Variants in FREM3 observed in about 807,000 individuals in gnomAD.
The protein encoded by FREM3 is FRAS1-related extracellular matrix protein 3.
Under a neutral mutation model 129.1 loss-of-function variants are expected in FREM3, and 105 were observed. That is an observed-to-expected ratio of 0.81 (90% confidence interval 0.69 to 0.96). The LOEUF (loss-of-function observed/expected upper bound fraction) is 0.96, where lower values mean the gene tolerates loss of function less well. Ranked by LOEUF, FREM3 falls within the 40% of genes least tolerant of loss-of-function variation. The pLI, the probability that FREM3 is intolerant of heterozygous loss-of-function variation, is 0.00. For missense variants in FREM3, 2,593 were observed against 2,666.3 expected, an observed-to-expected ratio of 0.97 and a Z score of 0.61; for synonymous variants, 1,014 against 1,044.9, an observed-to-expected ratio of 0.97 and a Z score of 0.57.
rs1043589548 is a variant in FREM3 at position 143,700,318 on chromosome 4, C to G, written c.358G>C (p.Gly120Arg). 11 of 1,534,944 alleles carry G rather than the reference C, an allele frequency of 7.2e-6. No homozygotes were observed. The highest frequency in any genetic ancestry group is 7.0e-6 in the Non-Finnish European group (8 of 1,145,890). ...TGAGTGTACTGGACTTGGCGGGGCCCGAAGGTGCAGGGGAAGCGGCGCGGG... is the reference window on the plus strand; with the variant it reads ...TGAGTGTACTGGACTTGGCGGGGCCGGAAGGTGCAGGGGAAGCGGCGCGGG... ...LSPRRFPCTF[G>R]PRQVQYTHFG... The change falls in exon 1 of 8, where the codon GGG becomes CGG. Residue 120 changes from glycine to arginine, a missense_variant. By Grantham distance (125) the Gly-to-Arg change is moderately radical. Transcript: ENST00000329798.
intron 6 of FREM3, among the ~76,000 whole-genome samples, chr4:143,592,573 C>G (rs1006182854): frequency 1.3e-5 from 2 of 152,234 alleles, no homozygotes; most frequent in African/African-American, 4.8e-5. Context: ...TTGGCCCCCT[C>G]TCTCTTCTGG....
chr4:143,613,040 A>G (rs186773014), intron 5 of FREM3, among the ~76,000 whole-genome samples: 2 of 152,326 alleles, frequency 1.3e-5, no homozygotes, highest in East Asian at 1.9e-4. Flanking sequence ...TGTTGCTTGT[A>G]TAGATCTAAG....
chr4:143,645,335 A>G (rs1739396243), intron 2 of FREM3, among the ~76,000 whole-genome samples: 1 of 152,212 alleles, frequency 6.6e-6, no homozygotes, highest in Admixed American at 6.5e-5. Context: ...AATGGTGACA[A>G]CTTTTTGATG....
intron 2 of FREM3, among the ~76,000 whole-genome samples, chr4:143,660,355 T>G (rs1328241624): frequency 2.6e-5 from 4 of 152,066 alleles, no homozygotes; most frequent in Admixed American, 1.3e-4. Context: ...TTTCCCCATT[T>G]CTTGTTTTTG....
intron 2 of FREM3, among the ~76,000 whole-genome samples, chr4:143,653,245 A>G (rs1739543866): frequency 6.6e-6 from 1 of 152,216 alleles, no homozygotes; most frequent in African/African-American, 2.4e-5. Flanking sequence ...CAAAAGACTG[A>G]AGTCAACGTA....
At chr4:143,687,236 A>T (rs1015810587) in intron 2 of FREM3, among the ~76,000 whole-genome samples, 1 of 152,166 alleles carries the variant, frequency 6.6e-6, no homozygotes, top group Non-Finnish European at 1.5e-5. Flanking sequence ...TCACGTAACT[A>T]GAAAACCTAG....
intron 6 of FREM3, among the ~76,000 whole-genome samples, chr4:143,603,949 A>G (rs1738621632): frequency 6.6e-6 from 1 of 152,178 alleles, no homozygotes; most frequent in Non-Finnish European, 1.5e-5. Context: ...TGTTCCTTCC[A>G]AATCTCTTAT....
chr4:143,613,140 T>A (rs1477907676), intron 5 of FREM3, among the ~76,000 whole-genome samples: 1 of 152,236 alleles, frequency 6.6e-6, no homozygotes, highest in Non-Finnish European at 1.5e-5. Flanking sequence ...ATGGTTTTTT[T>A]GAAAGAACAA....
At chr4:143,654,779 A>C (rs1739571183) in intron 2 of FREM3, among the ~76,000 whole-genome samples, 1 of 152,066 alleles carries the variant, frequency 6.6e-6, no homozygotes, top group Non-Finnish European at 1.5e-5. Flanking sequence ...TTGCCCAAGG[A>C]AAGGGAAGAC....
intron 2 of FREM3, among the ~76,000 whole-genome samples, chr4:143,633,389 A>G (rs1292118810): frequency 6.6e-6 from 1 of 152,172 alleles, no homozygotes; most frequent in Non-Finnish European, 1.5e-5. Context: ...TTTCTGAAGG[A>G]TGATTTATGA....
intron 2 of FREM3, among the ~76,000 whole-genome samples, chr4:143,686,881 CACAG>C (rs1325274980): frequency 2.6e-5 from 4 of 151,866 alleles, no homozygotes. Context: ...AGACTGAAAG[CACAG>C]ACAATCTAAG....
At position 143,696,924 on chromosome 4, in the gene FREM3, G is replaced by T. The variant is rs1355426847; in HGVS notation, c.3752C>A (p.Pro1251His). 1 of 1,537,494 alleles carries T rather than the reference G, an allele frequency of 6.5e-7. No individual in the cohort carries two copies. Among genetic ancestry groups the T allele is most frequent in the Non-Finnish European group, 8.7e-7 (1 of 1,146,996 alleles). ...CTCCTTGAGGGTGAAGCTGTGGATG[G>T]GCTGGCTGCCTGTAGCCAGCTGCTG... is the stretch of plus-strand genomic sequence containing the variant. Reference protein sequence around the residue: ...IIQQLATGSQPIHSFTLKEIQ... With the variant: ...IIQQLATGSQHIHSFTLKEIQ... The change falls in exon 1 of 8, where the codon CCC (proline) becomes CAC (histidine). Residue 1251 changes from proline to histidine, a missense_variant. By Grantham distance (77) the Pro-to-His change is moderately conservative. Around this residue, in one of 2 missense-constraint regions of FREM3, gnomAD observed 2,276 missense variants for 2,267.2 expected, o/e 1.00. Coordinates refer to ENST00000329798, the MANE Select transcript of FREM3 (RefSeq NM_001168235.2).
At chr4:143,664,146 A>T (rs6822255) in intron 2 of FREM3, among the ~76,000 whole-genome samples, 17 of 151,892 alleles carry the variant, frequency 1.1e-4, no homozygotes, top group South Asian at 4.2e-4. Flanking sequence ...ATTCCTTTGG[A>T]GGAGGAGAGG....
intron 6 of FREM3, among the ~76,000 whole-genome samples, chr4:143,591,448 C>T (rs1738360636): frequency 6.6e-6 from 1 of 152,158 alleles, no homozygotes; most frequent in African/African-American, 2.4e-5. Context: ...TGTCTTTGTT[C>T]TCATTGGTTT....
At chr4:143,650,465 T>C (rs576498221) in intron 2 of FREM3, among the ~76,000 whole-genome samples, 1 of 152,304 alleles carries the variant, frequency 6.6e-6, no homozygotes, top group South Asian at 2.1e-4. Context: ...GAGTCTTCTG[T>C]GAATGGTGAA....
intron 6 of FREM3, among the ~76,000 whole-genome samples, chr4:143,592,338 A>T (rs1388941676): frequency 6.6e-6 from 1 of 152,076 alleles, no homozygotes; most frequent in African/African-American, 2.4e-5. Flanking sequence ...CCTAGCCTTG[A>T]TGGTCTTTAC....
At chr4:143,581,714 C>T (rs1174560157) in intron 7 of FREM3, among the ~76,000 whole-genome samples, 5 of 152,114 alleles carry the variant, frequency 3.3e-5, no homozygotes, top group African/African-American at 1.2e-4. Context: ...TGTGAGACCC[C>T]AACCCCCTGC....
At chr4:143,633,324 C>T (rs1440171618) in intron 2 of FREM3, among the ~76,000 whole-genome samples, 1 of 152,102 alleles carries the variant, frequency 6.6e-6, no homozygotes, top group Non-Finnish European at 1.5e-5. Context: ...ACTTAAATAG[C>T]AATGGTAGGT....
intron 2 of FREM3, among the ~76,000 whole-genome samples, chr4:143,646,141 A>G (rs1403478225): frequency 6.6e-6 from 1 of 152,240 alleles, no homozygotes; most frequent in East Asian, 1.9e-4. Context: ...ATAACAAAAA[A>G]AAGAAATCCT....
Sources: allele counts gnomAD v4.1 joint callset (sites outside exome capture counted in the v4.1 genomes callset), GRCh38; gene constraint gnomAD v4.1.1; regional missense constraint gnomAD v4.1.1; transcripts MANE v1.5; gene names NCBI Gene and HGNC (gene_info 2026-07-23, HGNC 2026-07-21).